ZNF425: variants seen among roughly 807,000 people sequenced by gnomAD.
ZNF425 encodes zinc finger protein 425.
Under a neutral mutation model 17.0 loss-of-function variants are expected in ZNF425, and 21 were observed. The observed-to-expected ratio is 1.23, with a 90% CI of 0.88 to 1.78. The LOEUF (loss-of-function observed/expected upper bound fraction) is 1.78. ZNF425 is among the 40% of genes most tolerant of loss of function. The pLI is 0.00. For synonymous variants in ZNF425, 433 were observed against 384.1 expected (o/e 1.13, Z -1.49); for missense variants, 868 against 967.3 (o/e 0.90, Z 1.36).
intron 1 of ZNF425, among the ~76,000 whole-genome samples, chr7:149,123,234 T>C (rs1269728549): frequency 1.3e-5 from 2 of 152,130 alleles, no homozygotes; most frequent in East Asian, 1.9e-4. Flanking sequence ...ACAGAACATG[T>C]GTAACTTTTG....
At position 149,111,936 on chromosome 7, in the gene ZNF425, C is replaced by T. The variant is rs996895188; in HGVS notation, c.304+201G>A. ...ACCTCAGGTGATCCACCCACCTCAGCCTCCTAAAGTGCTGAGATTACAGGC... is the reference window on the plus strand; with the variant it reads ...ACCTCAGGTGATCCACCCACCTCAGTCTCCTAAAGTGCTGAGATTACAGGC... On this transcript the variant is annotated intron_variant, in intron 3 of 3. Transcript: ENST00000378061. 4 of 421,416 alleles carry T rather than the reference C, an allele frequency of 9.5e-6. No homozygotes were observed. The South Asian group carries it at 1.2e-4, about 13-fold the overall frequency. 26.1% of individuals were successfully genotyped at this position (421,416 alleles called of 1,614,324 possible).
rs192400397 is a variant in ZNF425, at chr7:149,103,221, T to C, written c.*391A>G. The C allele has an allele frequency of 3.2e-4, 57 of 175,538 alleles. No individual in the cohort carries two copies. Among genetic ancestry groups the C allele is most frequent in the Admixed American group, 7.4e-4 (13 of 17,620 alleles). The allele number at this position is 175,538 out of a possible 1,614,324, so 10.9% of individuals were successfully genotyped here. ...GTGTCTGTAGCCAGTATTTTGTGAT[T>C]TTTTTTCTTTTTTGAGACAAGATCT... is the stretch of plus-strand genomic sequence containing the variant. On this transcript the variant is annotated 3_prime_UTR_variant, in exon 4 of 4. Coordinates refer to ENST00000378061, the MANE Select transcript of ZNF425 (RefSeq NM_001001661.3).
At chr7:149,108,473 C>T (rs1042989285) in intron 3 of ZNF425, among the ~76,000 whole-genome samples, 2 of 152,198 alleles carry the variant, frequency 1.3e-5, no homozygotes, top group African/African-American at 4.8e-5. Context: ...TTCCTAAAAA[C>T]ATGCTTTTAC....
Position 149,105,720 on chromosome 7 carries a change from G to C in ZNF425, c.305-154C>G, listed in dbSNP as rs558134732. ...GGCTGGATTGCAGTGGTGCGATCTC[G>C]GCTCACTGCAAGCTCCGCCTCCCGG... On this transcript the variant is annotated intron_variant, in intron 3 of 3. Coordinates refer to ENST00000378061, the MANE Select transcript of ZNF425 (RefSeq NM_001001661.3). Among the ~76,000 whole-genome samples the C allele has an allele frequency of 4.6e-5, 7 of 151,884 alleles. No homozygotes were observed. In the East Asian group the frequency reaches 1.4e-3, roughly 29 times the overall value.
Position 149,105,038 on chromosome 7 carries a change from T to C in ZNF425, c.833A>G (p.Glu278Gly). 6.2e-7 allele frequency: 1 copy of C among 1,614,242 alleles called. No individual in the cohort carries two copies. The highest frequency in any genetic ancestry group is 8.5e-7 in the Non-Finnish European group (1 of 1,180,046). ...CCTGTACCGGAAGGTCTTGTCGCAC[T>C]CAGGGCATGGGTAGGGCCGCTGGCC... ...HTGQRPYPCP[E>G]CDKTFRYRAN... The change falls in exon 4 of 4, where the codon GAG (glutamate) becomes GGG (glycine). Residue 278 changes from glutamate (E) to glycine (G), a missense_variant. Transcript: ENST00000378061.
intron 3 of ZNF425, among the ~76,000 whole-genome samples, chr7:149,111,619 A>AAAAAAAAAAAAAT: frequency 6.9e-6 from 1 of 145,670 alleles, no homozygotes; most frequent in Non-Finnish European, 1.5e-5. Flanking sequence ...AAAAAAAAAA[A>AAAAAAAAAAAAAT]AATTATATAT....
Position 149,114,794 on chromosome 7 carries a change from AAAAAG to A in ZNF425, c.146-2504_146-2500del, listed in dbSNP as rs965194513. Among the ~76,000 whole-genome samples, 85 of 151,218 alleles carry A rather than the reference AAAAAG, an allele frequency of 5.6e-4. 1 individual carries two copies. The highest frequency in any genetic ancestry group is 3.4e-3 in the Middle Eastern group (1 of 290). ...GAGAACACTGTGAGTAAAAAAAAAA[AAAAAG>A]AAAAGAAAAGAAAAGAAAACTTACA... is the stretch of plus-strand genomic sequence containing the variant. On this transcript the variant is annotated intron_variant, in intron 2 of 3. Transcript: ENST00000378061.
At chr7:149,121,487 G>A (rs561161678) in intron 1 of ZNF425, among the ~76,000 whole-genome samples, 1 of 151,984 alleles carries the variant, frequency 6.6e-6, no homozygotes, top group African/African-American at 2.4e-5. Flanking sequence ...CGCCTCCCGG[G>A]ATCAAGTGAT....
intron 1 of ZNF425, among the ~76,000 whole-genome samples, chr7:149,122,618 G>T (rs1482172376): frequency 6.6e-6 from 1 of 152,134 alleles, no homozygotes; most frequent in Non-Finnish European, 1.5e-5. Context: ...CTGTGCCCTA[G>T]GTTCCAAAGA....
chr7:149,125,951 TG>T (rs1469501386), intron 1 of ZNF425: 1 of 719,494 alleles, frequency 1.4e-6, no homozygotes, highest in East Asian at 2.8e-5. Context: ...GCCTTCCGAG[TG>T]GCCGGGGCCA....
At chr7:149,117,453 G>A (rs1429853656) in intron 2 of ZNF425, among the ~76,000 whole-genome samples, 1 of 151,656 alleles carries the variant, frequency 6.6e-6, no homozygotes. Context: ...TTCACACCAT[G>A]CACTATGTTG....
rs763837068 is a variant in ZNF425 at position 149,103,773 on chromosome 7, C to T, written c.2098G>A (p.Gly700Ser). 2 of 1,614,072 alleles carry T rather than the reference C, an allele frequency of 1.2e-6. No individual in the cohort carries two copies. The highest frequency in any genetic ancestry group is 2.7e-5 in the African/African-American group (2 of 74,928). The change falls in exon 4 of 4, where the codon GGC becomes AGC. Residue 700 changes from glycine to serine, a missense_variant. This residue lies in a region of ZNF425 where 437 missense variants were observed against 444.2 expected (regional missense o/e 0.98). Coordinates refer to ENST00000378061, the MANE Select transcript of ZNF425 (RefSeq NM_001001661.3). ...CTTCTCTTCTGGAGGAAGCCTTTGCCACACTCGGGACACTGGAAGGGCCTC... is the reference window on the plus strand; with the variant it reads ...CTTCTCTTCTGGAGGAAGCCTTTGCTACACTCGGGACACTGGAAGGGCCTC... ...GERPFQCPEC[G>S]KGFLQKRSLK...
rs763893933 is a variant in ZNF425 at position 149,104,849 on chromosome 7, A to AGGCGGAAGCACC, written c.1010_1021dup (p.Arg337_Arg340dup). ...CAGATGGACCTTCATGCCCCTCTTC[A>AGGCGGAAGCACC]GGCGGAAGCACCGGTCACACTGCGG... On this transcript the variant is annotated inframe_insertion, in exon 4 of 4. Coordinates refer to ENST00000378061, the MANE Select transcript of ZNF425 (RefSeq NM_001001661.3). The surrounding 1 kb of genome is among the most constrained non-coding windows in gnomAD (Gnocchi z 4.3). 1.9e-6 allele frequency: 3 copies of AGGCGGAAGCACC among 1,613,500 alleles called. No individual in the cohort carries two copies. Among genetic ancestry groups the AGGCGGAAGCACC allele is most frequent in the Non-Finnish European group, 2.5e-6 (3 of 1,179,900 alleles).
intron 1 of ZNF425, among the ~76,000 whole-genome samples, chr7:149,119,064 C>T (rs1826310324): frequency 6.6e-6 from 1 of 151,382 alleles, no homozygotes; most frequent in African/African-American, 2.4e-5. Context: ...ACTTGGGAGG[C>T]TGAGGCGGGA....
intron 1 of ZNF425, among the ~76,000 whole-genome samples, chr7:149,123,346 A>C (rs1467957943): frequency 6.6e-6 from 1 of 152,174 alleles, no homozygotes; most frequent in African/African-American, 2.4e-5. Flanking sequence ...GGCTCTTCCC[A>C]AGTATATAGA....
At chr7:149,125,861 C>G (rs1045591914) in intron 1 of ZNF425, 2 of 482,588 alleles carry the variant, frequency 4.1e-6, no homozygotes, top group Non-Finnish European at 7.5e-6. Flanking sequence ...CACACAGATG[C>G]AGAACTCAGA....
At position 149,112,168 on chromosome 7, in the gene ZNF425, G is replaced by A; in HGVS notation, c.273C>T (p.Asn91=). 1 of 1,613,970 alleles carries A rather than the reference G, an allele frequency of 6.2e-7. No individual in the cohort carries two copies. The highest frequency in any genetic ancestry group is 8.5e-7 in the Non-Finnish European group (1 of 1,179,908). ...ATAGCAACTTTCCAGTATTCTTCAT[G>A]TTCAACTGTTCATCAGTAGGAGGGC... ...TTSPPTDEQL[N]MKNTGKLLCF... The change falls in exon 3 of 4, where the codon AAC becomes AAT. Residue 91 remains asparagine, a synonymous_variant. Coordinates refer to ENST00000378061, the MANE Select transcript of ZNF425 (RefSeq NM_001001661.3).
At chr7:149,109,712 A>G (rs1826141974) in intron 3 of ZNF425, among the ~76,000 whole-genome samples, 1 of 152,132 alleles carries the variant, frequency 6.6e-6, no homozygotes, top group African/African-American at 2.4e-5. Context: ...GAATATAACA[A>G]TTGTTTTATT....
At chr7:149,124,014 A>AT (rs1826407712) in intron 1 of ZNF425, among the ~76,000 whole-genome samples, 1 of 146,258 alleles carries the variant, frequency 6.8e-6, no homozygotes, top group Non-Finnish European at 1.5e-5. Flanking sequence ...CACCCGGCTA[A>AT]TTTTTTGTCT....
Sources: gnomAD v4.1 joint callset for allele counts (sites outside exome capture counted in the v4.1 genomes callset) on GRCh38, gnomAD v4.1.1 for gene constraint, gnomAD v4.1.1 regional missense constraint, Gnocchi (gnomAD v3.1) non-coding constraint, MANE v1.5 for transcripts, NCBI Gene and HGNC (gene_info 2026-07-23, HGNC 2026-07-21) for gene names.